The following PDCD11 variants were observed in gnomAD, a reference collection of about 807,000 sequenced individuals.
PDCD11 encodes the protein protein RRP5 homolog.
Under a neutral mutation model 198.9 loss-of-function variants are expected in PDCD11, and 97 were observed. The ratio of observed to expected loss-of-function variants is 0.49; its 90% CI spans 0.41 to 0.58. The LOEUF (loss-of-function observed/expected upper bound fraction) is 0.58. Ranked by LOEUF, PDCD11 falls within the 20% of genes least tolerant of loss-of-function variation. The probability of loss-of-function intolerance (pLI) is 0.00; values close to 1 mark genes in which losing one functional copy is unlikely to be tolerated. For synonymous variants in PDCD11, 893 were observed against 918.0 expected (o/e 0.97, Z 0.49); for missense variants, 2,102 against 2,312.7 (o/e 0.91, Z 1.87).
At chr10:103,417,677 G>T (rs1269275120) in intron 13 of PDCD11, 115 bp from the exon 14 acceptor site, 2 of 1,121,770 alleles carry the variant, frequency 1.8e-6, no homozygotes, top group Non-Finnish European at 1.3e-6. Context: ...CTCCTGATCT[G>T]ATCCAAAGGC....
At position 103,415,049 on chromosome 10, in the gene PDCD11, G is replaced by A; in HGVS notation, c.1416G>A (p.Val472=). 6.2e-7 allele frequency: 1 copy of A among 1,614,158 alleles called. No homozygotes were observed. Among genetic ancestry groups the A allele is most frequent in the African/African-American group, 1.3e-5 (1 of 75,038 alleles). The part of the protein sequence containing the change: ...TIKSYGMLVK[V]GEQMRGLVPP... ...AGTCATATGGGATGCTGGTGAAGGT[G>A]GGCGAGCAGATGAGGGGCCTGGTAC... is the stretch of plus-strand genomic sequence containing the variant. The change falls in exon 12 of 36, where the codon GTG becomes GTA. Residue 472 remains valine, a synonymous_variant. Coordinates refer to ENST00000369797, the MANE Select transcript of PDCD11 (RefSeq NM_014976.2).
chr10:103,442,280 A>C lies in PDCD11; in HGVS notation c.4775A>C (p.Glu1592Ala). 9 of 1,614,228 alleles carry C rather than the reference A, an allele frequency of 5.6e-6. No homozygotes were observed. The highest frequency in any genetic ancestry group is 6.8e-6 in the Non-Finnish European group (8 of 1,180,034). Residue 1592 changes from glutamate (E) to alanine (A), a missense_variant, in exon 32 of 36, where the codon GAG (glutamate) becomes GCG (alanine). By Grantham distance (107) the Glu-to-Ala change is moderately radical. Transcript: ENST00000369797. The part of the protein sequence containing the change: ...QKAEKELSRI[E>A]EALMDPGRQP... ...GCAGAGAAGGAACTGTCCCGCATTG[A>C]GGAGGCGCTGATGGATCCTGGGCGG... is the stretch of plus-strand genomic sequence containing the variant.
Position 103,409,792 on chromosome 10 carries a change from T to G in PDCD11, c.964T>G (p.Phe322Val). 1 of 1,612,278 alleles carries G rather than the reference T, an allele frequency of 6.2e-7. No homozygotes were observed. Among genetic ancestry groups the G allele is most frequent in the Non-Finnish European group, 8.5e-7 (1 of 1,178,270 alleles). ...HLDPKKAGTY[F>V]SNQAVRACIL... ...GGATCCCAAGAAAGCTGGAACATAT[T>G]TCTCAAATCAGGCAGTAAGAAATGT... Residue 322 changes from phenylalanine (F) to valine (V), a missense_variant, in exon 8 of 36, where the codon TTC (phenylalanine) becomes GTC (valine). Physicochemically the swap from Phe to Val is conservative, Grantham distance 50. Transcript: ENST00000369797.
chr10:103,433,177 TGTTAA>T (rs1247198588), intron 22 of PDCD11, among the ~76,000 whole-genome samples: 14 of 152,292 alleles, frequency 9.2e-5, no homozygotes, highest in Non-Finnish European at 1.5e-4. Context: ...ATAAATGATT[TGTTAA>T]GTTGACTAGA....
Position 103,414,315 on chromosome 10 carries a change from T to C in PDCD11, c.1356T>C (p.Pro452=). 3.7e-6 allele frequency: 6 copies of C among 1,613,246 alleles called. No homozygotes were observed. Among genetic ancestry groups the C allele is most frequent in the Non-Finnish European group, 5.1e-6 (6 of 1,179,200 alleles). ...AQYLRYHDIE[P]GAVVKGTVLT... ...ACCTTAGATATCATGACATCGAACC[T>C]GGGGCAGTGGTAAAGGTAAGACCTC... Residue 452 remains proline, a synonymous_variant, in exon 11 of 36, where the codon CCT becomes CCC. Transcript: ENST00000369797.
At chr10:103,404,979 G>C in intron 4 of PDCD11, 43 bp from the exon 5 acceptor site, 6 of 1,591,416 alleles carry the variant, frequency 3.8e-6, no homozygotes, top group Non-Finnish European at 5.2e-6. Context: ...TTTTGGTTCA[G>C]GAGAAGGGTG....
intron 8 of PDCD11, among the ~76,000 whole-genome samples, chr10:103,411,703 A>T (rs574411805): frequency 6.6e-6 from 1 of 152,272 alleles, no homozygotes; most frequent in African/African-American, 2.4e-5. Flanking sequence ...ATTTTTTTTT[A>T]AAGTGAAACT....
rs758505667 is a variant in PDCD11, at chr10:103,409,801, C to A, written c.973C>A (p.Gln325Lys). The A allele has an allele frequency of 1.2e-6, 2 of 1,608,520 alleles. No homozygotes were observed. Among genetic ancestry groups the A allele is most frequent in the Non-Finnish European group, 1.7e-6 (2 of 1,174,904 alleles). The change falls in exon 8 of 36, where the codon CAG becomes AAG. Residue 325 changes from glutamine (Q) to lysine (K), a missense_variant. Transcript: ENST00000369797. The stretch of plus-strand genomic sequence containing the variant: ...GAAAGCTGGAACATATTTCTCAAAT[C>A]AGGCAGTAAGAAATGTTGAGCCTAT... ...PKKAGTYFSN[Q>K]AVRACILCVH... is the part of the protein sequence containing the mutation.
At position 103,417,910 on chromosome 10, in the gene PDCD11, G is replaced by A; in HGVS notation, c.1889G>A (p.Gly630Glu). ...KEPAGHSQKK[G>E]KAINIGQLVD... The stretch of plus-strand genomic sequence containing the variant: ...CCTGCAGGACACAGTCAGAAGAAAG[G>A]AAAAGCCATTAACATTGGGCAGGTA... Residue 630 changes from glycine to glutamate, a missense_variant, in exon 14 of 36, where the codon GGA becomes GAA. Coordinates refer to ENST00000369797, the MANE Select transcript of PDCD11 (RefSeq NM_014976.2). The A allele has an allele frequency of 6.2e-7, 1 of 1,614,108 alleles. No individual in the cohort carries two copies. The highest frequency in any genetic ancestry group is 1.1e-5 in the South Asian group (1 of 91,082).
intron 3 of PDCD11, 51 bp from the exon 4 acceptor site, chr10:103,403,067 C>T (rs2030211447): frequency 6.5e-7 from 1 of 1,540,320 alleles, no homozygotes; most frequent in Non-Finnish European, 9.0e-7. Flanking sequence ...TCCAACCTTC[C>T]CTATTGTTGT....
chr10:103,443,566 T>C (rs962404141), intron 33 of PDCD11, among the ~76,000 whole-genome samples: 8 of 152,164 alleles, frequency 5.3e-5, no homozygotes, highest in African/African-American at 1.9e-4. Context: ...GGACCCCTGG[T>C]GTGTCTGCCT....
chr10:103,418,379 C>T, intron 14 of PDCD11, 61 bp from the exon 15 acceptor site: 2 of 1,392,580 alleles, frequency 1.4e-6, no homozygotes. Flanking sequence ...CTGCCTAATC[C>T]AGACCAGGTT....
Position 103,440,736 on chromosome 10 carries a change from A to G in PDCD11, c.4443A>G (p.Glu1481=). 6.2e-7 allele frequency: 1 copy of G among 1,614,172 alleles called. No individual in the cohort carries two copies. Among genetic ancestry groups the G allele is most frequent in the Non-Finnish European group, 8.5e-7 (1 of 1,180,024 alleles). ...RECRESGSEQ[E]RVSKKPKKAG... ...CATTCTCCCACCTGGCCTCTCAGGA[A>G]AGAGTGAGCAAGAAGCCAAAGAAAG... Residue 1481 remains glutamate, a splice_region_variant and synonymous_variant, in exon 30 of 36, where the codon GAA becomes GAG. Coordinates refer to ENST00000369797, the MANE Select transcript of PDCD11 (RefSeq NM_014976.2).
At chr10:103,435,885 A>G (rs531412654) in intron 25 of PDCD11, among the ~76,000 whole-genome samples, 11 of 152,188 alleles carry the variant, frequency 7.2e-5, no homozygotes, top group Non-Finnish European at 1.2e-4. Flanking sequence ...TTGATGGGTT[A>G]CATACCCTCC....
Position 103,421,333 on chromosome 10 carries a change from T to C in PDCD11, c.2278-15T>C. ...ACCTTTCCTCTTCTCATCTCCTGCC[T>C]GTTCTTCTGTTCAGATCATGAGTGA... On this transcript the variant is annotated splice_polypyrimidine_tract_variant and intron_variant, in intron 16 of 35. Coordinates refer to ENST00000369797, the MANE Select transcript of PDCD11 (RefSeq NM_014976.2). The C allele has an allele frequency of 6.3e-7, 1 of 1,588,620 alleles. No individual in the cohort carries two copies. Among genetic ancestry groups the C allele is most frequent in the African/African-American group, 1.3e-5 (1 of 74,754 alleles).
At chr10:103,438,515 C>T (rs894849831) in intron 26 of PDCD11, among the ~76,000 whole-genome samples, 171 bp from the exon 27 acceptor site, 3 of 152,212 alleles carry the variant, frequency 2.0e-5, no homozygotes, top group Admixed American at 6.5e-5. Context: ...GCACCTGCTT[C>T]TGGCCTGGCA....
At chr10:103,440,941 T>C in intron 30 of PDCD11, 91 bp downstream of exon 30, 2 of 905,728 alleles carry the variant, frequency 2.2e-6, no homozygotes, top group Middle Eastern at 2.2e-4. Context: ...CTTCATTTCC[T>C]ATAAAATACG....
intron 16 of PDCD11, 107 bp from the exon 17 acceptor site, chr10:103,421,241 C>T (rs2031404839): frequency 4.9e-6 from 4 of 816,458 alleles, no homozygotes; most frequent in South Asian, 1.6e-5. Context: ...GGGGAGCTTC[C>T]TAGGCCCCAT....
Position 103,442,449 on chromosome 10 carries a change from C to A in PDCD11, c.4944C>A (p.Thr1648=). The part of the protein sequence containing the change: ...ARAVAERALK[T]ISFREEQEKL... The stretch of plus-strand genomic sequence containing the variant: ...CCGTGGCTGAGAGGGCCCTTAAGAC[C>A]ATCTCCTTCAGGTCTCAGCTTTGCC... The change falls in exon 32 of 36, where the codon ACC becomes ACA. Residue 1648 remains threonine (T), a synonymous_variant. Transcript: ENST00000369797. 1 of 1,613,552 alleles carries A rather than the reference C, an allele frequency of 6.2e-7. No individual in the cohort carries two copies. The highest frequency in any genetic ancestry group is 8.5e-7 in the Non-Finnish European group (1 of 1,179,834).
Sources: gnomAD v4.1 joint callset for allele counts (sites outside exome capture counted in the v4.1 genomes callset) on GRCh38, gnomAD v4.1.1 for gene constraint, MANE v1.5 for transcripts, NCBI Gene and HGNC (gene_info 2026-07-23, HGNC 2026-07-21) for gene names.